The following MTCL2 variants were observed in gnomAD, a reference collection of about 807,000 sequenced individuals.
MTCL2 encodes microtubule cross-linking factor 2.
chr20:36,837,401 C>T, the MTCL2 span, among the ~76,000 whole-genome samples: 6 of 151,812 alleles, frequency 4.0e-5, no homozygotes, highest in Middle Eastern at 6.8e-3. Flanking sequence ...TTGGGAGGCT[C>T]ATGAGCCTGG....
chr20:36,831,679 G>C, the MTCL2 span, among the ~76,000 whole-genome samples: 1 of 152,174 alleles, frequency 6.6e-6, no homozygotes, highest in African/African-American at 2.4e-5. Flanking sequence ...GGACAGCCAG[G>C]AGCGGGCCCA....
chr20:36,805,874 C>G, the MTCL2 span: 1 of 1,612,432 alleles, frequency 6.2e-7, no homozygotes, highest in African/African-American at 1.3e-5. Context: ...TCCAGCTGTC[C>G]CCCGTGCAGG....
At chr20:36,843,306 T>C in the MTCL2 span, among the ~76,000 whole-genome samples, 3 of 152,116 alleles carry the variant, frequency 2.0e-5, no homozygotes, top group Non-Finnish European at 4.4e-5. Flanking sequence ...TGAGGCTGGA[T>C]GGATTTAACT....
At chr20:36,804,958 C>T in the MTCL2 span, 1 of 1,582,146 alleles carries the variant, frequency 6.3e-7, no homozygotes, top group Non-Finnish European at 8.6e-7. Flanking sequence ...GGGAGGGGAA[C>T]CTGGGTTCAG....
At chr20:36,777,660 T>C in the MTCL2 span, 1 of 484,372 alleles carries the variant, frequency 2.1e-6, no homozygotes, top group Non-Finnish European at 3.7e-6. Context: ...AGGTGGACAG[T>C]TGGCCCAAGG....
At chr20:36,858,676 TAAC>T in the MTCL2 span, among the ~76,000 whole-genome samples, 25 of 152,236 alleles carry the variant, frequency 1.6e-4, no homozygotes, top group East Asian at 4.0e-3. Context: ...CTATGAATAA[TAAC>T]AATTCCTCAG....
At chr20:36,829,185 G>A in the MTCL2 span, 8 of 1,610,988 alleles carry the variant, frequency 5.0e-6, no homozygotes, top group Admixed American at 1.3e-4. Context: ...AGCTCCTTAT[G>A]CAGCCGCATG....
At chr20:36,844,779 G>A in the MTCL2 span, among the ~76,000 whole-genome samples, 1 of 152,260 alleles carries the variant, frequency 6.6e-6, no homozygotes, top group East Asian at 1.9e-4. Flanking sequence ...CAGCACTATG[G>A]GGAGACCGAG....
chr20:36,815,797 A>G, the MTCL2 span: 1 of 1,592,276 alleles, frequency 6.3e-7, no homozygotes, highest in Non-Finnish European at 8.5e-7. This position sits in a 1 kb window ranked among gnomAD's most constrained non-coding sequence, Gnocchi z 5.3. Context: ...TCGTGCTCCG[A>G]GCGGAACTTG....
chr20:36,845,804 G>A, the MTCL2 span, among the ~76,000 whole-genome samples: 9 of 152,190 alleles, frequency 5.9e-5, no homozygotes, highest in Admixed American at 5.2e-4. Flanking sequence ...TCCCAGGAGA[G>A]CTCTCCAGTG....
At chr20:36,817,316 G>T in the MTCL2 span, 4 of 1,116,258 alleles carry the variant, frequency 3.6e-6, no homozygotes, top group Non-Finnish European at 5.1e-6. Flanking sequence ...AGCAAGGGGA[G>T]GACAGGGCAG....
At chr20:36,863,217 G>A in the MTCL2 span, 2 of 1,215,392 alleles carry the variant, frequency 1.6e-6, no homozygotes, top group Middle Eastern at 6.4e-4. This position sits in a 1 kb window ranked among gnomAD's most constrained non-coding sequence, Gnocchi z 6.2. Context: ...CGACCAGCCG[G>A]CCACGTCTTT....
the MTCL2 span, among the ~76,000 whole-genome samples, chr20:36,847,068 G>A: frequency 6.6e-6 from 1 of 152,192 alleles, no homozygotes; most frequent in Non-Finnish European, 1.5e-5. Context: ...CCCCCGCACA[G>A]GCAGTACGTG....
chr20:36,783,786 A>C, the MTCL2 span: 3 of 985,442 alleles, frequency 3.0e-6, no homozygotes, highest in Non-Finnish European at 3.6e-6. Context: ...CACATTCCAA[A>C]AGAGTAGAGA....
chr20:36,841,154 A>C, the MTCL2 span, among the ~76,000 whole-genome samples: 14 of 111,244 alleles, frequency 1.3e-4, no homozygotes, highest in African/African-American at 5.1e-4. Context: ...TACTAAAAAT[A>C]CAAAAAAAAA....
the MTCL2 span, chr20:36,793,787 C>T: frequency 3.9e-6 from 6 of 1,540,742 alleles, no homozygotes; most frequent in Admixed American, 2.0e-5. The surrounding 1 kb of genome is among the most constrained non-coding windows in gnomAD (Gnocchi z 6.8). Flanking sequence ...GCAGCAGGGC[C>T]GCTCGATGCG....
At chr20:36,834,175 A>C in the MTCL2 span, among the ~76,000 whole-genome samples, 2 of 151,774 alleles carry the variant, frequency 1.3e-5, no homozygotes, top group Non-Finnish European at 2.9e-5. Context: ...AAAAAAAAAA[A>C]AAAAGAAAAA....
the MTCL2 span, chr20:36,863,505 G>C: frequency 2.5e-6 from 1 of 402,912 alleles, no homozygotes; most frequent in Non-Finnish European, 3.6e-6. This position sits in a 1 kb window ranked among gnomAD's most constrained non-coding sequence, Gnocchi z 6.2. Flanking sequence ...GCCCCGCCGC[G>C]CGGTCTCTCC....
the MTCL2 span, chr20:36,809,968 T>G: frequency 6.3e-7 from 1 of 1,596,102 alleles, no homozygotes; most frequent in Non-Finnish European, 8.5e-7. Context: ...TGGAAAGCGC[T>G]GGGCACCACG....
Sources: gnomAD v4.1 joint callset for allele counts (sites outside exome capture counted in the v4.1 genomes callset) on GRCh38, gnomAD v4.1.1 for gene constraint, Gnocchi (gnomAD v3.1) non-coding constraint, MANE v1.5 for transcripts, NCBI Gene and HGNC (gene_info 2026-07-23, HGNC 2026-07-21) for gene names.